Variants in GJC2 observed in about 807,000 individuals in gnomAD.
GJC2 encodes gap junction gamma-2 protein.
For missense variants in GJC2, 647 were observed against 648.9 expected (o/e 1.00, Z 0.03); for synonymous variants, 336 against 307.5 (o/e 1.09, Z -0.97).
chr1:228,158,321 C>T lies in GJC2; in HGVS notation c.563C>T (p.Ala188Val), dbSNP rs2034716392. 2.6e-6 allele frequency: 4 copies of T among 1,556,240 alleles called. No homozygotes were observed. The highest frequency in any genetic ancestry group is 2.4e-5 in the East Asian group (1 of 42,050). The change falls in exon 2 of 2, where the codon GCG (alanine) becomes GTG (valine). Residue 188 changes from alanine (A) to valine (V), a missense_variant. Coordinates refer to ENST00000366714, the MANE Select transcript of GJC2 (RefSeq NM_020435.4). This position sits in a 1 kb window ranked among gnomAD's most constrained non-coding sequence, Gnocchi z 8.3. ...AAGGCGGTCGGCGCTGACGGCAAGG[C>T]GGCAGGGACCCCGGGCCCGACCGGG... ...CTKAVGADGK[A>V]AGTPGPTGQH...
chr1:228,157,741 A>ACCACCCCC lies in GJC2; in HGVS notation c.-16_-15insACCCCCCC. 2 of 354,470 alleles carry ACCACCCCC rather than the reference A, an allele frequency of 5.6e-6. No individual in the cohort carries two copies. The highest frequency in any genetic ancestry group is 1.1e-5 in the Non-Finnish European group (2 of 177,092). The allele number at this position is 354,470 out of a possible 1,614,324, so 22.0% of individuals were successfully genotyped here. A position where few individuals can be genotyped will look rare whatever the true frequency, so the allele number is the denominator to read the frequency against. On this transcript the variant is annotated splice_region_variant and 5_prime_UTR_variant, in exon 2 of 2. Transcript: ENST00000366714. ...GCTGACCCCTACCCCGCCCCACAGG[A>ACCACCCCC]CCCGCCCGCCCGCCCCTATGACCAA...
rs1469042630 is a variant in GJC2, at chr1:228,158,846, C to A, written c.1088C>A (p.Ala363Glu). The A allele has an allele frequency of 1.4e-6, 2 of 1,471,968 alleles. No homozygotes were observed. Among genetic ancestry groups the A allele is most frequent in the South Asian group, 2.5e-5 (2 of 79,416 alleles). The allele number at this position is 1,471,968 out of a possible 1,614,324, so 91.2% of individuals were successfully genotyped here. Residue 363 changes from alanine to glutamate, a missense_variant, in exon 2 of 2, where the codon GCG becomes GAG. By Grantham distance (107) the Ala-to-Glu change is moderately radical. Transcript: ENST00000366714. This position sits in a 1 kb window ranked among gnomAD's most constrained non-coding sequence, Gnocchi z 8.3. ...CTGCAGGCGCTGCGCGACGGGGCAG[C>A]GGCTGGGGACCGCGACCGGGACAGT... ...LALQALRDGA[A>E]AGDRDRDSSP...
intron 1 of GJC2, among the ~76,000 whole-genome samples, chr1:228,154,996 A>C (rs1215723994): frequency 6.6e-6 from 1 of 152,194 alleles, no homozygotes; most frequent in Non-Finnish European, 1.5e-5. Context: ...TGCAGGCGCC[A>C]GAGCAAAGGT....
At position 228,151,282 on chromosome 1, in the gene GJC2, C is replaced by T. The variant is rs1020730078; in HGVS notation, c.-20+1275C>T. 6.6e-6 allele frequency among the ~76,000 whole-genome samples: 1 copy of T among 152,188 alleles called. No homozygotes were observed. The highest frequency in any genetic ancestry group is 1.5e-5 in the Non-Finnish European group (1 of 68,020). ...GATCCCACAGACTCATACCTCCACA[C>T]CACGCTCCTCAGTGTCCCCTCACTC... On this transcript the variant is annotated intron_variant, in intron 1 of 1. Transcript: ENST00000366714. This position sits in a 1 kb window ranked among gnomAD's most constrained non-coding sequence, Gnocchi z 5.4.
Position 228,158,752 on chromosome 1 carries a change from G to GC in GJC2, c.994_995insC (p.Asp332AlafsTer16). ...GGCCGCTGGCTTGGCCTGCCCGCCCGACTACAGCCTGGTGGTGCGGGCGGC... is the reference window on the plus strand; with the variant it reads ...GGCCGCTGGCTTGGCCTGCCCGCCCGCACTACAGCCTGGTGGTGCGGGCGGC... On this transcript the variant is annotated frameshift_variant, in exon 2 of 2. Transcript: ENST00000366714. LOFTEE classifies it low-confidence loss of function (END_TRUNC). This position sits in a 1 kb window ranked among gnomAD's most constrained non-coding sequence, Gnocchi z 8.3. 7.2e-7 allele frequency: 1 copy of GC among 1,385,400 alleles called. No individual in the cohort carries two copies. The highest frequency in any genetic ancestry group is 9.4e-7 in the Non-Finnish European group (1 of 1,068,402). 85.8% of individuals were successfully genotyped at this position (1,385,400 alleles called of 1,614,324 possible). A position where few individuals can be genotyped will look rare whatever the true frequency, so the allele number is the denominator to read the frequency against.
chr1:228,151,619 G>C lies in GJC2; in HGVS notation c.-20+1612G>C, dbSNP rs145937082. 2.0e-5 allele frequency among the ~76,000 whole-genome samples: 3 copies of C among 152,124 alleles called. No homozygotes were observed. Among genetic ancestry groups the C allele is most frequent in the African/African-American group, 7.2e-5 (3 of 41,500 alleles). ...TGTGTGGGGGGGTGGAGGGAGGAGCGTGCCCTGTGTGTACATGTGAAGGAT... is the reference window on the plus strand; with the variant it reads ...TGTGTGGGGGGGTGGAGGGAGGAGCCTGCCCTGTGTGTACATGTGAAGGAT... On this transcript the variant is annotated intron_variant, in intron 1 of 1. Coordinates refer to ENST00000366714, the MANE Select transcript of GJC2 (RefSeq NM_020435.4). The surrounding 1 kb of genome is among the most constrained non-coding windows in gnomAD (Gnocchi z 5.4).
rs565300171 is a variant in GJC2, at chr1:228,150,708, G to A, written c.-20+701G>A. The stretch of plus-strand genomic sequence containing the variant: ...CCTCTGGGAGGGCGGAGCACCCCAG[G>A]GCTGCTGCGCAGGGAGGCCACAGCC... On this transcript the variant is annotated intron_variant, in intron 1 of 1. Transcript: ENST00000366714. This position sits in a 1 kb window ranked among gnomAD's most constrained non-coding sequence, Gnocchi z 4.6. Among the ~76,000 whole-genome samples, 2 of 152,198 alleles carry A rather than the reference G, an allele frequency of 1.3e-5. No individual in the cohort carries two copies. The highest frequency in any genetic ancestry group is 4.1e-4 in the South Asian group (2 of 4,834).
At position 228,159,167 on chromosome 1, in the gene GJC2, T is replaced by C; in HGVS notation, c.*89T>C. On this transcript the variant is annotated 3_prime_UTR_variant, in exon 2 of 2. Coordinates refer to ENST00000366714, the MANE Select transcript of GJC2 (RefSeq NM_020435.4). The surrounding 1 kb of genome is among the most constrained non-coding windows in gnomAD (Gnocchi z 4.0). ...GACCCCTTCTCCTCAGCCTTCTCCTTAGCCGGTGGCCTCAGGCAGACTCTG... is the reference window on the plus strand; with the variant it reads ...GACCCCTTCTCCTCAGCCTTCTCCTCAGCCGGTGGCCTCAGGCAGACTCTG... 1 of 1,458,338 alleles carries C rather than the reference T, an allele frequency of 6.9e-7. No homozygotes were observed. Among genetic ancestry groups the C allele is most frequent in the Non-Finnish European group, 9.4e-7 (1 of 1,058,220 alleles). The allele number at this position is 1,458,338 out of a possible 1,614,324, so 90.3% of individuals were successfully genotyped here. A position where few individuals can be genotyped will look rare whatever the true frequency, so the allele number is the denominator to read the frequency against.
rs114243429 is a variant in GJC2 at position 228,151,601 on chromosome 1, G to C, written c.-20+1594G>C. Among the ~76,000 whole-genome samples, 17 of 152,310 alleles carry C rather than the reference G, an allele frequency of 1.1e-4. No individual in the cohort carries two copies. Among genetic ancestry groups the C allele is most frequent in the African/African-American group, 3.8e-4 (16 of 41,562 alleles). ...GGCAGTGTGCACTGCTTGTGTGTGG[G>C]GGGGTGGAGGGAGGAGCGTGCCCTG... is the stretch of plus-strand genomic sequence containing the variant. On this transcript the variant is annotated intron_variant, in intron 1 of 1. Transcript: ENST00000366714. The surrounding 1 kb of genome is among the most constrained non-coding windows in gnomAD (Gnocchi z 5.4).
Position 228,158,243 on chromosome 1 carries a change from C to T in GJC2, c.485C>T (p.Ala162Val), listed in dbSNP as rs1208554088. 1.3e-6 allele frequency: 2 copies of T among 1,509,906 alleles called. No homozygotes were observed. Among genetic ancestry groups the T allele is most frequent in the East Asian group, 2.5e-5 (1 of 40,296 alleles). 93.5% of individuals were successfully genotyped at this position (1,509,906 alleles called of 1,614,324 possible). The change falls in exon 2 of 2, where the codon GCC becomes GTC. Residue 162 changes from alanine (A) to valine (V), a missense_variant. Ala to Val is a moderately conservative substitution (Grantham distance 64). Coordinates refer to ENST00000366714, the MANE Select transcript of GJC2 (RefSeq NM_020435.4). The surrounding 1 kb of genome is among the most constrained non-coding windows in gnomAD (Gnocchi z 8.3). ...GAGGAGGAGGAGGAGACGGGGGCAG[C>T]CGAGGGCGCCGGCGAGGAAGCGGAG... Reference protein sequence around the residue: ...EEEEEEETGAAEGAGEEAEEA... With the variant: ...EEEEEEETGAVEGAGEEAEEA...
chr1:228,152,044 C>G lies in GJC2; in HGVS notation c.-20+2037C>G, dbSNP rs934731135. 6.6e-6 allele frequency among the ~76,000 whole-genome samples: 1 copy of G among 152,098 alleles called. No individual in the cohort carries two copies. Among genetic ancestry groups the G allele is most frequent in the Non-Finnish European group, 1.5e-5 (1 of 67,996 alleles). ...GTAGCCCCCTCTGAGTGAGGACTGT[C>G]CCCACACAGGGCCCTGCAGTGGAGT... On this transcript the variant is annotated intron_variant, in intron 1 of 1. Transcript: ENST00000366714. This position sits in a 1 kb window ranked among gnomAD's most constrained non-coding sequence, Gnocchi z 7.3.
chr1:228,150,189 AG>A lies in GJC2; in HGVS notation c.-20+183del, dbSNP rs1221002347. On this transcript the variant is annotated intron_variant, in intron 1 of 1. Transcript: ENST00000366714. The surrounding 1 kb of genome is among the most constrained non-coding windows in gnomAD (Gnocchi z 4.6). The stretch of plus-strand genomic sequence containing the variant: ...CCTCCTGGGCTCCGCTGCTCCACGC[AG>A]ATGGTGGGGTGGCCCCCCCACTCCA... 2.6e-5 allele frequency among the ~76,000 whole-genome samples: 4 copies of A among 152,136 alleles called. No homozygotes were observed.
chr1:228,150,615 C>G lies in GJC2; in HGVS notation c.-20+608C>G, dbSNP rs12740965. ...GTGATTAACTGGGTGGAGGCCCCCC[C>G]GGGGTGCTGGGGCAGGCCCTCAGTG... On this transcript the variant is annotated intron_variant, in intron 1 of 1. Coordinates refer to ENST00000366714, the MANE Select transcript of GJC2 (RefSeq NM_020435.4). This position sits in a 1 kb window ranked among gnomAD's most constrained non-coding sequence, Gnocchi z 4.6. 0.87 allele frequency among the ~76,000 whole-genome samples: 132,313 copies of G among 152,084 alleles called. 58,589 individuals are homozygous for G. The highest frequency in any genetic ancestry group is 0.96 in the Non-Finnish European group (64,989 of 67,962).
At position 228,152,293 on chromosome 1, in the gene GJC2, G is replaced by A. The variant is rs770188164; in HGVS notation, c.-20+2286G>A. On this transcript the variant is annotated intron_variant, in intron 1 of 1. Transcript: ENST00000366714. This position sits in a 1 kb window ranked among gnomAD's most constrained non-coding sequence, Gnocchi z 7.3. The stretch of plus-strand genomic sequence containing the variant: ...AAACTGCAGAAAACACCCACCCTTC[G>A]CGGCCTGCCCTGGGAGGGCCTGGAG... Among the ~76,000 whole-genome samples, 1 of 152,128 alleles carries A rather than the reference G, an allele frequency of 6.6e-6. No homozygotes were observed. Among genetic ancestry groups the A allele is most frequent in the Non-Finnish European group, 1.5e-5 (1 of 68,012 alleles).
chr1:228,159,229 GAA>G lies in GJC2; in HGVS notation c.*153_*154del. 1.1e-6 allele frequency: 1 copy of G among 921,060 alleles called. No homozygotes were observed. Among genetic ancestry groups the G allele is most frequent in the South Asian group, 1.7e-5 (1 of 59,736 alleles). The allele number at this position is 921,060 out of a possible 1,614,324, so 57.1% of individuals were successfully genotyped here. ...AGCCAGGCTGCTCAGGGAAGGGGCT[GAA>G]AGCGGCAGAGGAGTGCCCTGGCTTG... On this transcript the variant is annotated 3_prime_UTR_variant, in exon 2 of 2. Coordinates refer to ENST00000366714, the MANE Select transcript of GJC2 (RefSeq NM_020435.4). This position sits in a 1 kb window ranked among gnomAD's most constrained non-coding sequence, Gnocchi z 4.0.
In GJC2 at chr1:228,157,862, G is replaced by A. The variant is rs779813765; in HGVS notation, c.104G>A (p.Arg35His). 6.2e-7 allele frequency: 1 copy of A among 1,610,938 alleles called. No individual in the cohort carries two copies. The highest frequency in any genetic ancestry group is 1.1e-5 in the South Asian group (1 of 90,560). ...KVWLTVLVVFRIVLTAVGGEA... is the reference protein window; with the variant it reads ...KVWLTVLVVFHIVLTAVGGEA... ...TGGCTCACGGTGCTGGTGGTCTTCC[G>A]CATCGTGCTGACGGCTGTGGGCGGC... The change falls in exon 2 of 2, where the codon CGC (arginine) becomes CAC (histidine). Residue 35 changes from arginine to histidine, a missense_variant. Transcript: ENST00000366714.
Position 228,158,602 on chromosome 1 carries a change from A to G in GJC2, c.844A>G (p.Asn282Asp). The change falls in exon 2 of 2, where the codon AAC becomes GAC. Residue 282 changes from asparagine to aspartate, a missense_variant. Asn to Asp is a conservative substitution (Grantham distance 23). Transcript: ENST00000366714. The surrounding 1 kb of genome is among the most constrained non-coding windows in gnomAD (Gnocchi z 8.3). ...GGTCAGCTGCCTGTGCCTGCTGCTC[A>G]ACCTCTGTGAGATGGCCCACCTGGG... is the stretch of plus-strand genomic sequence containing the variant. ...YVVSCLCLLL[N>D]LCEMAHLGLG... 6.2e-7 allele frequency: 1 copy of G among 1,611,136 alleles called. No homozygotes were observed. The highest frequency in any genetic ancestry group is 1.1e-5 in the South Asian group (1 of 91,078).
intron 1 of GJC2, among the ~76,000 whole-genome samples, chr1:228,155,757 C>T (rs1281459333): frequency 6.6e-6 from 1 of 152,164 alleles, no homozygotes; most frequent in Non-Finnish European, 1.5e-5. Flanking sequence ...AGCCCAGGGC[C>T]GAGCCACAGT....
chr1:228,154,068 G>C (rs1437611454), intron 1 of GJC2, among the ~76,000 whole-genome samples: 1 of 152,140 alleles, frequency 6.6e-6, no homozygotes, highest in East Asian at 1.9e-4. Flanking sequence ...CTGACGTCTT[G>C]CATTAGCGTG....
Sources: allele counts gnomAD v4.1 joint callset (sites outside exome capture counted in the v4.1 genomes callset), GRCh38; gene constraint gnomAD v4.1.1; non-coding constraint Gnocchi (gnomAD v3.1); transcripts MANE v1.5; gene names NCBI Gene and HGNC (gene_info 2026-07-23, HGNC 2026-07-21).